Variants in IL16 observed in about 807,000 individuals in gnomAD.
IL16 encodes the protein interleukin 16, also known as pro-interleukin-16.
IL16 carries 67 observed loss-of-function variants against 110.1 expected under a neutral mutation model. The observed-to-expected ratio is 0.61, with a 90% confidence interval of 0.50 to 0.75. IL16 has a LOEUF of 0.75. IL16 is among the 30% of genes least tolerant of loss of function. IL16 has a pLI of 0.00. For missense variants in IL16, 1,545 were observed against 1,655.0 expected, an observed-to-expected ratio of 0.93 and a Z score of 1.15; for synonymous variants, 689 against 662.9, an observed-to-expected ratio of 1.04 and a Z score of -0.61.
In IL16 at chr15:81,292,981, GAAGA is replaced by G; in HGVS notation, c.1847_1850del (p.Glu616GlyfsTer69). 6.2e-7 allele frequency: 1 copy of G among 1,613,528 alleles called. No individual in the cohort carries two copies. Among genetic ancestry groups the G allele is most frequent in the Non-Finnish European group, 8.5e-7 (1 of 1,180,014 alleles). ...TGACAGTGACCCTCAGAAGAGTCTGGAAGAGAGAGAGAACTCCTCATGCTCTTCT... is the reference window on the plus strand; with the variant it reads ...TGACAGTGACCCTCAGAAGAGTCTGGGAGAGAGAACTCCTCATGCTCTTCT... On this transcript the variant is annotated frameshift_variant, in exon 12 of 19. Coordinates refer to ENST00000683961, the MANE Select transcript of IL16 (RefSeq NM_172217.5). LOFTEE classifies it high-confidence loss of function.
chr15:81,241,048 A>T lies in IL16; in HGVS notation c.312+15337A>T, dbSNP rs565649299. On this transcript the variant is annotated intron_variant, in intron 2 of 18. Transcript: ENST00000683961. ...CCCATTGTTCCAGCGCCCTCTGTTG[A>T]AAAGTGTCTCTTTCCCCACAGATCT... is the stretch of plus-strand genomic sequence containing the variant. 5.9e-5 allele frequency among the ~76,000 whole-genome samples: 9 copies of T among 152,060 alleles called. No individual in the cohort carries two copies. In the East Asian group the frequency reaches 1.2e-3, roughly 20 times the overall value.
chr15:81,224,800 A>G (rs778669593), intron 1 of IL16, among the ~76,000 whole-genome samples: 4 of 152,160 alleles, frequency 2.6e-5, no homozygotes, highest in Non-Finnish European at 4.4e-5. Context: ...TGGAGATGCC[A>G]TGGGAGTTAT....
intron 1 of IL16, among the ~76,000 whole-genome samples, chr15:81,206,371 G>A (rs1266207460): frequency 6.6e-6 from 1 of 152,154 alleles, no homozygotes; most frequent in East Asian, 1.9e-4. Context: ...CTGAACATTT[G>A]TAACAAAAGG....
chr15:81,245,098 T>C (rs1326766372), intron 2 of IL16, among the ~76,000 whole-genome samples: 1 of 152,250 alleles, frequency 6.6e-6, no homozygotes, highest in Non-Finnish European at 1.5e-5. Flanking sequence ...TTATGACAGC[T>C]GCCTTAAAAT....
At chr15:81,225,184 C>T in intron 1 of IL16, 115 bp from the exon 2 acceptor site, 1 of 797,034 alleles carries the variant, frequency 1.3e-6, no homozygotes, top group Non-Finnish European at 1.9e-6. Context: ...ATGATCTGCC[C>T]ATCTGTCCTG....
chr15:81,285,467 T>C (rs8023541), intron 9 of IL16, among the ~76,000 whole-genome samples: 86,999 of 152,084 alleles, frequency 0.57, 26,747 homozygotes, highest in African/African-American at 0.81. Flanking sequence ...GTTGACCCAC[T>C]GTAAATAGGA....
intron 12 of IL16, chr15:81,295,554 T>C (rs778012672): frequency 7.5e-5 from 94 of 1,254,658 alleles, no homozygotes; most frequent in Non-Finnish European, 9.4e-5. Context: ...GTAATTTCTC[T>C]TGTGGACAAG....
intron 1 of IL16, among the ~76,000 whole-genome samples, chr15:81,222,650 C>A (rs975567459): frequency 2.6e-5 from 4 of 152,012 alleles, no homozygotes; most frequent in Non-Finnish European, 5.9e-5. Context: ...TTAGCACCAG[C>A]AAAGTCCAGA....
chr15:81,226,985 G>C (rs928271453), intron 2 of IL16, among the ~76,000 whole-genome samples: 7 of 152,120 alleles, frequency 4.6e-5, no homozygotes, highest in African/African-American at 1.7e-4. Flanking sequence ...TAATATCATA[G>C]GTATTTCCTG....
chr15:81,243,682 C>A (rs1049929852), intron 2 of IL16, among the ~76,000 whole-genome samples: 3 of 151,966 alleles, frequency 2.0e-5, no homozygotes, highest in African/African-American at 7.3e-5. Context: ...GCCATCTGAC[C>A]CTAGAGGTTT....
intron 2 of IL16, among the ~76,000 whole-genome samples, chr15:81,253,421 G>C (rs1897837114): frequency 6.6e-6 from 1 of 152,062 alleles, no homozygotes; most frequent in East Asian, 1.9e-4. Flanking sequence ...CATTTCTGTA[G>C]GTTGTTTTTT....
At chr15:81,229,132 T>C (rs1896888214) in intron 2 of IL16, among the ~76,000 whole-genome samples, 1 of 152,208 alleles carries the variant, frequency 6.6e-6, no homozygotes, top group African/African-American at 2.4e-5. Flanking sequence ...TTCAATGTGC[T>C]AGACAGTGTG....
intron 1 of IL16, among the ~76,000 whole-genome samples, chr15:81,207,252 A>C (rs527993287): frequency 1.1e-4 from 16 of 151,698 alleles, no homozygotes; most frequent in East Asian, 3.9e-4. Context: ...AAAACAAAAA[A>C]AAAAAAAAAC....
Position 81,278,895 on chromosome 15 carries a change from C to A in IL16, c.864+5C>A. ...GATGCTTTGCAGAAGTTCAAGGTGA[C>A]CATTTCTTATCAACACGTGACCAAA... is the stretch of plus-strand genomic sequence containing the variant. On this transcript the variant is annotated splice_donor_5th_base_variant and intron_variant, in intron 7 of 18. Transcript: ENST00000683961. The A allele has an allele frequency of 1.2e-6, 2 of 1,604,492 alleles. No individual in the cohort carries two copies. The highest frequency in any genetic ancestry group is 2.7e-5 in the African/African-American group (2 of 74,826).
rs1443286681 is a variant in IL16 at position 81,310,826 on chromosome 15, G to C, written c.*2028G>C. On this transcript the variant is annotated 3_prime_UTR_variant, in exon 19 of 19. Transcript: ENST00000683961. ...TGGCCGTGGGCCTGGGGTACCAAGAGACTCCTTGAGAGACCAGGCAAAGCA... is the reference window on the plus strand; with the variant it reads ...TGGCCGTGGGCCTGGGGTACCAAGACACTCCTTGAGAGACCAGGCAAAGCA... The C allele has an allele frequency of 1.3e-5, 2 of 152,266 alleles. No homozygotes were observed. Among genetic ancestry groups the C allele is most frequent in the African/African-American group, 4.8e-5 (2 of 41,432 alleles). 9.4% of individuals were successfully genotyped at this position (152,266 alleles called of 1,614,324 possible). A position where few individuals can be genotyped will look rare whatever the true frequency, so the allele number is the denominator to read the frequency against.
At chr15:81,240,128 T>C (rs1897298162) in intron 2 of IL16, among the ~76,000 whole-genome samples, 1 of 152,190 alleles carries the variant, frequency 6.6e-6, no homozygotes, top group Non-Finnish European at 1.5e-5. Context: ...TTTGTTTATG[T>C]TATTCAATAT....
intron 1 of IL16, among the ~76,000 whole-genome samples, chr15:81,205,880 C>T (rs538417990): frequency 1.3e-5 from 2 of 152,048 alleles, no homozygotes; most frequent in South Asian, 4.2e-4. Context: ...TTTTGTCAGA[C>T]AAAATAAAAA....
At chr15:81,279,847 T>C in intron 8 of IL16, 73 bp downstream of exon 8, 1 of 1,314,676 alleles carries the variant, frequency 7.6e-7, no homozygotes, top group Non-Finnish European at 1.1e-6. Flanking sequence ...TTTCCTCACT[T>C]GGAATCAGTC....
At chr15:81,207,067 A>C (rs1896047357) in intron 1 of IL16, among the ~76,000 whole-genome samples, 1 of 140,116 alleles carries the variant, frequency 7.1e-6, no homozygotes, top group Admixed American at 6.7e-5. Context: ...CCCCGTCTCT[A>C]CTAAAAAAAC....
Sources: allele counts gnomAD v4.1 joint callset (sites outside exome capture counted in the v4.1 genomes callset), GRCh38; gene constraint gnomAD v4.1.1; transcripts MANE v1.5; gene names NCBI Gene and HGNC (gene_info 2026-07-23, HGNC 2026-07-21).